The following TBC1D14 variants were observed in gnomAD, a reference collection of about 807,000 sequenced individuals.
TBC1D14 encodes TBC1 domain family, member 14.
Under a neutral mutation model 79.0 loss-of-function variants are expected in TBC1D14, and 26 were observed. That is an observed-to-expected ratio of 0.33 (90% confidence interval 0.24 to 0.46). The LOEUF is 0.46. Ranked by LOEUF, TBC1D14 falls within the 20% of genes least tolerant of loss-of-function variation. The probability of loss-of-function intolerance (pLI) is 1.00; values close to 1 mark genes in which losing one functional copy is unlikely to be tolerated. For missense variants in TBC1D14, 769 were observed against 887.6 expected (o/e 0.87, Z 1.70); for synonymous variants, 394 against 349.9 (o/e 1.13, Z -1.40).
At chr4:6,911,279 C>T (rs544399699) in intron 1 of TBC1D14, among the ~76,000 whole-genome samples, 3 of 152,270 alleles carry the variant, frequency 2.0e-5, no homozygotes, top group East Asian at 1.9e-4. Context: ...ACTTGGTGCT[C>T]AGGGTCATTG....
At chr4:6,956,203 A>G (rs1714619997) in intron 2 of TBC1D14, among the ~76,000 whole-genome samples, 1 of 152,136 alleles carries the variant, frequency 6.6e-6, no homozygotes. Flanking sequence ...GTAAGCTCCA[A>G]GGCCCTCCAA....
chr4:6,986,987 G>T lies in TBC1D14; in HGVS notation c.844-7197G>T, dbSNP rs183625062. ...TTGGCAACACGTTTCTCAGCTCTCG[G>T]GTGATCTTTAAGGCAGAAGCTGGCT... is the stretch of plus-strand genomic sequence containing the variant. On this transcript the variant is annotated intron_variant, in intron 3 of 13. Coordinates refer to ENST00000409757, the MANE Select transcript of TBC1D14 (RefSeq NM_020773.3). Among the ~76,000 whole-genome samples the T allele has an allele frequency of 8.3e-3, 1,258 of 152,346 alleles. 30 individuals are homozygous for T. The highest frequency in any genetic ancestry group is 7.1e-3 in the Non-Finnish European group (481 of 68,026).
intron 13 of TBC1D14, among the ~76,000 whole-genome samples, chr4:7,025,862 C>G (rs910363122): frequency 6.6e-6 from 1 of 152,226 alleles, no homozygotes; most frequent in African/African-American, 2.4e-5. Flanking sequence ...TAGGTCCTGT[C>G]CCCAGTGGGA....
chr4:7,028,942 A>G (rs558166109), intron 13 of TBC1D14, among the ~76,000 whole-genome samples: 27 of 152,198 alleles, frequency 1.8e-4, no homozygotes, highest in African/African-American at 6.3e-4. Context: ...GGCTCAAGCA[A>G]TTCTTCCACC....
chr4:6,952,935 C>T (rs1263731056), intron 2 of TBC1D14, among the ~76,000 whole-genome samples: 1 of 151,948 alleles, frequency 6.6e-6, no homozygotes, highest in Non-Finnish European at 1.5e-5. Flanking sequence ...GCAATCTCTG[C>T]CTCCTGGGTG....
chr4:6,935,112 T>A (rs12499678), intron 2 of TBC1D14, among the ~76,000 whole-genome samples: 98,277 of 151,890 alleles, frequency 0.65, 32,307 homozygotes, highest in South Asian at 0.8. Context: ...ACAGAGTAAG[T>A]CCCAAAGAGA....
At chr4:7,029,373 G>A (rs573236624) in intron 13 of TBC1D14, among the ~76,000 whole-genome samples, 3 of 152,220 alleles carry the variant, frequency 2.0e-5, no homozygotes, top group East Asian at 1.9e-4. Context: ...CGTCACTTCC[G>A]TACATGTCTG....
chr4:6,978,105 C>G (rs1303347853), intron 3 of TBC1D14, among the ~76,000 whole-genome samples: 1 of 149,334 alleles, frequency 6.7e-6, no homozygotes, highest in South Asian at 2.1e-4. Context: ...CCGCCCCATC[C>G]GGGAGGGAGG....
intron 2 of TBC1D14, among the ~76,000 whole-genome samples, chr4:6,953,337 G>A (rs1192517560): frequency 7.4e-6 from 1 of 135,880 alleles, no homozygotes; most frequent in African/African-American, 2.6e-5. Flanking sequence ...GAATAGATCA[G>A]TTGGCCGGGC....
At chr4:6,983,978 T>C (rs1263960190) in intron 3 of TBC1D14, among the ~76,000 whole-genome samples, 1 of 152,192 alleles carries the variant, frequency 6.6e-6, no homozygotes, top group Non-Finnish European at 1.5e-5. Context: ...ACACTGTGGA[T>C]CTTGTGTTCA....
intron 2 of TBC1D14, among the ~76,000 whole-genome samples, chr4:6,928,493 A>G (rs1724462209): frequency 2.0e-5 from 3 of 152,198 alleles, no homozygotes; most frequent in Non-Finnish European, 4.4e-5. Context: ...TGCGATCGCC[A>G]GTGTGTACTT....
At chr4:6,928,531 G>A (rs1201351401) in intron 2 of TBC1D14, among the ~76,000 whole-genome samples, 1 of 152,146 alleles carries the variant, frequency 6.6e-6, no homozygotes, top group Non-Finnish European at 1.5e-5. Context: ...GGCACCTCTT[G>A]TAAACAGTTA....
intron 13 of TBC1D14, among the ~76,000 whole-genome samples, chr4:7,026,540 A>G (rs941112938): frequency 2.6e-5 from 4 of 152,292 alleles, no homozygotes; most frequent in Admixed American, 2.0e-4. Flanking sequence ...CCTCTGTAAT[A>G]TCTATGCCAC....
chr4:6,958,962 C>T (rs1383680117), intron 2 of TBC1D14, among the ~76,000 whole-genome samples: 3 of 151,918 alleles, frequency 2.0e-5, no homozygotes, highest in Non-Finnish European at 2.9e-5. Flanking sequence ...CGGCTCACTG[C>T]AAGCTCCGCC....
At chr4:7,010,907 G>T in intron 11 of TBC1D14, 126 bp downstream of exon 11, 1 of 1,193,534 alleles carries the variant, frequency 8.4e-7, no homozygotes. Context: ...TTTAGAGTAA[G>T]CAGCACTGTA....
At chr4:6,915,964 A>AG (rs553635774) in intron 1 of TBC1D14, among the ~76,000 whole-genome samples, 395 of 152,092 alleles carry the variant, frequency 2.6e-3, no homozygotes, top group African/African-American at 9.1e-3. Context: ...AAAAAAAAAA[A>AG]AAATGCAAAA....
rs1380983091 is a variant in TBC1D14, at chr4:6,927,313, G to A, written c.722+3202G>A. 6.6e-5 allele frequency among the ~76,000 whole-genome samples: 10 copies of A among 152,196 alleles called. No homozygotes were observed. In the East Asian group the frequency reaches 1.5e-3, roughly 24 times the overall value. ...CTGTGGGTGGGGAGGGGGTGGCACC[G>A]CAGCCGAGAGTGCTGGTTCAGGAGT... On this transcript the variant is annotated intron_variant, in intron 2 of 13. Transcript: ENST00000409757.
chr4:6,928,438 C>T (rs1724455999), intron 2 of TBC1D14, among the ~76,000 whole-genome samples: 1 of 152,200 alleles, frequency 6.6e-6, no homozygotes, highest in Admixed American at 6.5e-5. Flanking sequence ...AACCTCAGTT[C>T]TGCCATTTTT....
chr4:6,981,412 A>G (rs1717364326), intron 3 of TBC1D14, among the ~76,000 whole-genome samples: 2 of 152,186 alleles, frequency 1.3e-5, no homozygotes, highest in South Asian at 4.1e-4. Context: ...AGATAACCTG[A>G]ATCATCCTGG....
Sources: gnomAD v4.1 joint callset for allele counts (sites outside exome capture counted in the v4.1 genomes callset) on GRCh38, gnomAD v4.1.1 for gene constraint, MANE v1.5 for transcripts, NCBI Gene and HGNC (gene_info 2026-07-23, HGNC 2026-07-21) for gene names.